The following FDX2 variants were observed in gnomAD, a reference collection of about 807,000 sequenced individuals.
The protein encoded by FDX2 is ferredoxin-2, mitochondrial.
A neutral mutation model predicts 18.5 loss-of-function variants in FDX2; 13 were observed. The ratio of observed to expected loss-of-function variants is 0.70; its 90% CI spans 0.46 to 1.12. The LOEUF (loss-of-function observed/expected upper bound fraction) is 1.12, where lower values mean the gene tolerates loss of function less well. Among genes scored for constraint, FDX2 ranks in the 50% most tolerant of loss-of-function variants. FDX2 has a pLI of 0.00. For synonymous variants in FDX2, 132 were observed against 106.2 expected (o/e 1.24, Z -1.49); for missense variants, 238 against 250.4 (o/e 0.95, Z 0.34).
At position 10,313,283 on chromosome 19, in the gene FDX2, C is replaced by T. The variant is rs548829960; in HGVS notation, c.316+2103G>A. Among the ~76,000 whole-genome samples, 3 of 152,234 alleles carry T rather than the reference C, an allele frequency of 2.0e-5. No individual in the cohort carries two copies. The South Asian group carries it at 6.2e-4, about 32-fold the overall frequency. ...CCCCTTTAATGATAAAATCAGGATC[C>T]CTGATATATTCATCCCAAAAGCAAA... is the stretch of plus-strand genomic sequence containing the variant. On this transcript the variant is annotated intron_variant, in intron 3 of 4. Transcript: ENST00000393708.
chr19:10,314,903 C>A (rs1396289155), intron 3 of FDX2, among the ~76,000 whole-genome samples: 1 of 152,090 alleles, frequency 6.6e-6, no homozygotes, highest in East Asian at 1.9e-4. Flanking sequence ...GAGTTTGAGA[C>A]CAGCCTGGCC....
At chr19:10,314,455 C>T (rs1274330743) in intron 3 of FDX2, among the ~76,000 whole-genome samples, 2 of 152,108 alleles carry the variant, frequency 1.3e-5, no homozygotes, top group Middle Eastern at 3.4e-3. Context: ...ATAATCCCAG[C>T]TACTTGGGAG....
chr19:10,313,785 T>A (rs1421452495), intron 3 of FDX2, among the ~76,000 whole-genome samples: 1 of 139,936 alleles, frequency 7.1e-6, no homozygotes, highest in Admixed American at 7.4e-5. Flanking sequence ...CCCGGGTTCA[T>A]GCCATTCTCC....
chr19:10,315,600 T>C, intron 2 of FDX2, 105 bp downstream of exon 2: 2 of 1,519,474 alleles, frequency 1.3e-6, no homozygotes, highest in Non-Finnish European at 1.8e-6. Flanking sequence ...AGGTACTGAA[T>C]AGGGCAAAGC....
intron 3 of FDX2, among the ~76,000 whole-genome samples, chr19:10,313,673 T>TATATATATA (rs2040348365): frequency 4.5e-4 from 8 of 17,802 alleles, no homozygotes; most frequent in African/African-American, 9.2e-4. Context: ...ATATATATAT[T>TATATATATA]TTTTTTTTTT....
chr19:10,310,905 G>A lies in FDX2; in HGVS notation c.352C>T (p.His118Tyr), dbSNP rs954897348. The A allele has an allele frequency of 1.9e-6, 3 of 1,613,638 alleles. No homozygotes were observed. Among genetic ancestry groups the A allele is most frequent in the African/African-American group, 2.7e-5 (2 of 74,912 alleles). The change falls in exon 4 of 5, where the codon CAT becomes TAT. Residue 118 changes from histidine (H) to tyrosine (Y), a missense_variant. Physicochemically the swap from His to Tyr is moderately conservative, Grantham distance 83. Coordinates refer to ENST00000393708, the MANE Select transcript of FDX2 (RefSeq NM_001031734.4). Reference sequence around the variant, plus strand: ...AGGTGGTCTTCACTCACATACACATGGCAGGTGGAGCAGGCCAGGGAGGCT... The same window carrying A: ...AGGTGGTCTTCACTCACATACACATAGCAGGTGGAGCAGGCCAGGGAGGCT...
Position 10,315,744 on chromosome 19 carries a change from C to G in FDX2, c.170G>C (p.Gly57Ala), listed in dbSNP as rs561926050. 4 of 1,576,806 alleles carry G rather than the reference C, an allele frequency of 2.5e-6. No homozygotes were observed. In the Admixed American group the frequency reaches 5.5e-5, roughly 22 times the overall value. The change falls in exon 2 of 5, where the codon GGA becomes GCA. Residue 57 changes from glycine (G) to alanine (A), a missense_variant. Gly to Ala is a moderately conservative substitution (Grantham distance 60). Transcript: ENST00000393708. ...CTCCGGGCCGCCCGCGTCCTCCTCT[C>G]CAGCCGGGCGCGAGCCTGGAAAACA...
rs1353452976 is a variant in FDX2 at position 10,315,934 on chromosome 19, G to A, written c.72C>T (p.Gly24=). ...TGCCCCCAGGTCTGTTCCACCAGGT[G>A]CCCCTGGCAGCCTGCAGTAGAACCC... Residue 24 remains glycine (G), a synonymous_variant, in exon 1 of 5, where the codon GGC becomes GGT. Coordinates refer to ENST00000393708, the MANE Select transcript of FDX2 (RefSeq NM_001031734.4). The A allele has an allele frequency of 6.2e-7, 1 of 1,610,110 alleles. No homozygotes were observed. Among genetic ancestry groups the A allele is most frequent in the Non-Finnish European group, 8.5e-7 (1 of 1,179,004 alleles).
chr19:10,315,156 A>G (rs2145056271), intron 3 of FDX2, among the ~76,000 whole-genome samples: 1 of 152,206 alleles, frequency 6.6e-6, no homozygotes, highest in Non-Finnish European at 1.5e-5. Flanking sequence ...ACAGGGAGGA[A>G]GGGGGAAGAG....
At chr19:10,312,054 G>T (rs112599736) in intron 3 of FDX2, among the ~76,000 whole-genome samples, 21,508 of 151,290 alleles carry the variant, frequency 0.14, 1,803 homozygotes, top group South Asian at 0.19. Flanking sequence ...ATTTTTAGTA[G>T]AGATGGGGTT....
intron 4 of FDX2, 102 bp from the exon 5 acceptor site, chr19:10,310,744 G>A: frequency 6.9e-7 from 1 of 1,458,422 alleles, no homozygotes; most frequent in Non-Finnish European, 9.4e-7. Flanking sequence ...GCAGGGGGTA[G>A]TGGTGGGGGA....
chr19:10,310,512 C>T lies in FDX2; in HGVS notation c.535G>A (p.Asp179Asn). ...CAGTGGGGCTTGGGGACATGGCCAT[C>T]CACGTAGAAGTTCCTGGTGATCTTG... The change falls in exon 5 of 5, where the codon GAT (aspartate) becomes AAT (asparagine). Residue 179 changes from aspartate (D) to asparagine (N), a missense_variant. Coordinates refer to ENST00000393708, the MANE Select transcript of FDX2 (RefSeq NM_001031734.4). The T allele has an allele frequency of 6.2e-7, 1 of 1,614,178 alleles. No individual in the cohort carries two copies. The highest frequency in any genetic ancestry group is 8.5e-7 in the Non-Finnish European group (1 of 1,180,024).
At chr19:10,311,021 A>G (rs941552013) in intron 3 of FDX2, 81 bp from the exon 4 acceptor site, 1 of 1,013,374 alleles carries the variant, frequency 9.9e-7, no homozygotes, top group Non-Finnish European at 1.5e-6. Context: ...AGAGGAGTAG[A>G]CCTCTCTTCC....
chr19:10,312,772 C>T (rs977422846), intron 3 of FDX2, among the ~76,000 whole-genome samples: 2 of 152,018 alleles, frequency 1.3e-5, no homozygotes, highest in African/African-American at 4.8e-5. Flanking sequence ...CTCCTGACCT[C>T]GTGATCCGCT....
rs775109579 is a variant in FDX2 at position 10,310,589 on chromosome 19, C to T, written c.458G>A (p.Gly153Asp). ...CTCCGGTGTCAGCACAATCTGGCAG[C>T]CCAGCCGCGAGTTCTCCTGGAGGAG... Residue 153 changes from glycine (G) to aspartate (D), a missense_variant, in exon 5 of 5, where the codon GGC becomes GAC. Coordinates refer to ENST00000393708, the MANE Select transcript of FDX2 (RefSeq NM_001031734.4). 1.2e-6 allele frequency: 2 copies of T among 1,614,088 alleles called. No homozygotes were observed. The highest frequency in any genetic ancestry group is 1.7e-5 in the Admixed American group (1 of 60,002).
intron 3 of FDX2, among the ~76,000 whole-genome samples, chr19:10,313,894 C>T (rs1599292950): frequency 6.6e-6 from 1 of 150,528 alleles, no homozygotes; most frequent in Non-Finnish European, 1.5e-5. Context: ...CCATTTTAGC[C>T]AGGATGGTCT....
chr19:10,311,847 G>A (rs930828384), intron 3 of FDX2, among the ~76,000 whole-genome samples: 6 of 144,148 alleles, frequency 4.2e-5, no homozygotes, highest in Non-Finnish European at 9.0e-5. Flanking sequence ...CTACATGTGC[G>A]CACCACCACA....
intron 2 of FDX2, 91 bp from the exon 3 acceptor site, chr19:10,315,583 G>C: frequency 6.5e-7 from 1 of 1,528,968 alleles, no homozygotes; most frequent in Admixed American, 1.9e-5. Context: ...ATTGAGGCTT[G>C]ACGCACAGGT....
chr19:10,315,500 C>T lies in FDX2; in HGVS notation c.210-8G>A, dbSNP rs201352690. On this transcript the variant is annotated splice_region_variant and splice_polypyrimidine_tract_variant and intron_variant, in intron 2 of 4. Coordinates refer to ENST00000393708, the MANE Select transcript of FDX2 (RefSeq NM_001031734.4). Reference sequence around the variant, plus strand: ...ACGAACACCACGTTCACCCTGGGGACAGATGGAAGTGCGAATGCCGAACTG... The same window carrying T: ...ACGAACACCACGTTCACCCTGGGGATAGATGGAAGTGCGAATGCCGAACTG... 158 of 1,612,958 alleles carry T rather than the reference C, an allele frequency of 9.8e-5. No individual in the cohort carries two copies. The African/African-American group carries it at 1.9e-3, about 20-fold the overall frequency.
Sources: gnomAD v4.1 joint callset for allele counts (sites outside exome capture counted in the v4.1 genomes callset) on GRCh38, gnomAD v4.1.1 for gene constraint, MANE v1.5 for transcripts, NCBI Gene and HGNC (gene_info 2026-07-23, HGNC 2026-07-21) for gene names.